INO80: variants seen among roughly 807,000 people sequenced by gnomAD.
INO80 encodes INO80 complex ATPase subunit, also known as chromatin-remodeling ATPase INO80.
INO80 carries 20 observed loss-of-function variants against 203.4 expected under a neutral mutation model. The ratio of observed to expected loss-of-function variants is 0.10; its 90% confidence interval spans 0.07 to 0.14. The LOEUF is 0.14. Ranked by LOEUF, INO80 falls within the 10% of genes least tolerant of loss-of-function variation. The pLI is 1.00. For missense variants in INO80, 1,419 were observed against 1,914.4 expected (o/e 0.74, Z 4.83); for synonymous variants, 726 against 685.2 (o/e 1.06, Z -0.93).
Position 41,071,895 on chromosome 15 carries a change from C to A in INO80, c.1559G>T (p.Gly520Val), listed in dbSNP as rs1342342738. 5.6e-6 allele frequency: 9 copies of A among 1,613,892 alleles called. No homozygotes were observed. Among genetic ancestry groups the A allele is most frequent in the Non-Finnish European group, 7.6e-6 (9 of 1,179,982 alleles). The change falls in exon 12 of 36, where the codon GGT (glycine) becomes GTT (valine). Residue 520 changes from glycine to valine, a missense_variant. By Grantham distance (109) the Gly-to-Val change is moderately radical. Transcript: ENST00000648947. Reference protein sequence around the residue: ...QPTIFNGKLKGYQLKGMNWLA... With the variant: ...QPTIFNGKLKVYQLKGMNWLA... ...CCAATTCATGCCTTTCAGTTGATAACCTTTCAATTTGCCATTAAAAATTGT... is the reference window on the plus strand; with the variant it reads ...CCAATTCATGCCTTTCAGTTGATAAACTTTCAATTTGCCATTAAAAATTGT...
chr15:41,060,910 TAAA>T (rs2045093077), intron 14 of INO80, among the ~76,000 whole-genome samples: 1 of 152,070 alleles, frequency 6.6e-6, no homozygotes, highest in South Asian at 2.1e-4. Context: ...GGCATAGCAT[TAAA>T]AAATAACCAG....
chr15:41,007,380 G>A lies in INO80; in HGVS notation c.3403-1693C>T, dbSNP rs145447100. ...CTATTTTTAGTAGAGATGGGGTTTC[G>A]CCATGTTGGCCAGGCTGGTCTTGAA... On this transcript the variant is annotated intron_variant, in intron 27 of 35. Coordinates refer to ENST00000648947, the MANE Select transcript of INO80 (RefSeq NM_017553.3). Among the ~76,000 whole-genome samples, 1,038 of 151,612 alleles carry A rather than the reference G, an allele frequency of 6.8e-3. 13 individuals carry two copies. Among genetic ancestry groups the A allele is most frequent in the African/African-American group, 0.024 (1,001 of 41,328 alleles).
rs1287275018 is a variant in INO80 at position 40,980,276 on chromosome 15, C to A, written c.4618G>T (p.Asp1540Tyr). 1 of 1,613,642 alleles carries A rather than the reference C, an allele frequency of 6.2e-7. No homozygotes were observed. The highest frequency in any genetic ancestry group is 1.3e-5 in the African/African-American group (1 of 75,038). The change falls in exon 36 of 36, where the codon GAC becomes TAC. Residue 1540 changes from aspartate (D) to tyrosine (Y), a missense_variant. Around this residue, in one of 9 missense-constraint regions of INO80, gnomAD observed 112 missense variants for 106.2 expected, o/e 1.05. Transcript: ENST00000648947. ...NLHMTSSLAP[D>Y]SLVRKQGKGT... ...TTGCCCTGTTTCCGGACCAGAGAGTCTGGGGCTAGGCTGCTGGTCATGTGG... is the reference window on the plus strand; with the variant it reads ...TTGCCCTGTTTCCGGACCAGAGAGTATGGGGCTAGGCTGCTGGTCATGTGG...
intron 24 of INO80, among the ~76,000 whole-genome samples, chr15:41,032,275 A>G (rs922050317): frequency 6.6e-5 from 10 of 152,244 alleles, no homozygotes; most frequent in African/African-American, 2.4e-4. Context: ...CTTAAAGAGC[A>G]TGTCAAATTT....
intron 29 of INO80, among the ~76,000 whole-genome samples, chr15:40,996,259 TCTC>T (rs1172342696): frequency 2.0e-5 from 3 of 152,228 alleles, no homozygotes; most frequent in African/African-American, 7.2e-5. Flanking sequence ...TATTTTTAAA[TCTC>T]AAAGTTACTA....
chr15:41,001,214 C>G (rs2043954611), intron 28 of INO80, among the ~76,000 whole-genome samples: 1 of 152,150 alleles, frequency 6.6e-6, no homozygotes, highest in African/African-American at 2.4e-5. Context: ...GGTGCCCTCT[C>G]TAGGAGGCTG....
At chr15:41,037,509 AAATT>A (rs1414906931) in intron 24 of INO80, among the ~76,000 whole-genome samples, 3 of 152,034 alleles carry the variant, frequency 2.0e-5, no homozygotes, top group East Asian at 3.9e-4. Flanking sequence ...ATCTCCAAAA[AAATT>A]AATTAATTAA....
chr15:40,998,983 TAC>T (rs10650860), intron 28 of INO80, among the ~76,000 whole-genome samples: 5,588 of 140,150 alleles, frequency 0.04, 207 homozygotes, highest in African/African-American at 0.11. Context: ...AAGATTTATC[TAC>T]ACACACACAC....
At chr15:41,002,937 T>C (rs868644240) in intron 28 of INO80, among the ~76,000 whole-genome samples, 17 of 152,190 alleles carry the variant, frequency 1.1e-4, no homozygotes, top group Middle Eastern at 6.8e-3. Context: ...ACCTTGTCTC[T>C]ACTAAAAATA....
At chr15:41,006,208 G>A (rs2044038878) in intron 27 of INO80, among the ~76,000 whole-genome samples, 1 of 152,040 alleles carries the variant, frequency 6.6e-6, no homozygotes, top group South Asian at 2.1e-4. Context: ...AAAAGACAAG[G>A]TAATTTTCTA....
chr15:41,023,258 C>T (rs1387664071), intron 25 of INO80: 3 of 455,554 alleles, frequency 6.6e-6, no homozygotes, highest in East Asian at 6.9e-5. Flanking sequence ...AAAATTGGGT[C>T]TCTCTCCCTT....
intron 13 of INO80, among the ~76,000 whole-genome samples, chr15:41,070,056 A>G (rs541048528): frequency 6.6e-6 from 1 of 152,344 alleles, no homozygotes; most frequent in East Asian, 1.9e-4. Context: ...AAATTCCTAT[A>G]AAGTAGATAA....
chr15:41,055,698 TATG>T (rs1398852764), intron 17 of INO80, among the ~76,000 whole-genome samples: 1 of 152,240 alleles, frequency 6.6e-6, no homozygotes, highest in Non-Finnish European at 1.5e-5. Context: ...CAACCTAAGG[TATG>T]ATAACTTGCT....
chr15:41,010,307 T>A (rs987463675), intron 27 of INO80, among the ~76,000 whole-genome samples: 4 of 152,222 alleles, frequency 2.6e-5, no homozygotes, highest in Non-Finnish European at 2.9e-5. Flanking sequence ...AATATTTTTT[T>A]AATTTCTCTT....
chr15:41,033,866 G>A (rs1021934296), intron 24 of INO80, among the ~76,000 whole-genome samples: 21 of 151,802 alleles, frequency 1.4e-4, no homozygotes, highest in Non-Finnish European at 2.8e-4. Context: ...CCTGGCTAAC[G>A]CTAGAGTAGA....
intron 25 of INO80, among the ~76,000 whole-genome samples, chr15:41,021,604 A>T (rs2044295721): frequency 6.6e-6 from 1 of 152,256 alleles, no homozygotes; most frequent in African/African-American, 2.4e-5. Context: ...CAAAGCTCCC[A>T]AATTTATCAA....
rs2046033699 is a variant in INO80 at position 41,116,160 on chromosome 15, T to TGGCGGCGGCGCTGAGGC, written c.-248_-232dup. ...CTCCGCGGCTCCTGGGACCCCAAGATGGCGGCGGCGCTGAGGCGGCTGCGG... is the reference window on the plus strand; with the variant it reads ...CTCCGCGGCTCCTGGGACCCCAAGATGGCGGCGGCGCTGAGGCGGCGGCGGCGCTGAGGCGGCTGCGG... On this transcript the variant is annotated 5_prime_UTR_variant, in exon 1 of 36. The change abolishes the stop of an existing upstream ORF in the 5' untranslated region. Transcript: ENST00000648947. 2.5e-6 allele frequency: 1 copy of TGGCGGCGGCGCTGAGGC among 406,620 alleles called. No individual in the cohort carries two copies. Among genetic ancestry groups the TGGCGGCGGCGCTGAGGC allele is most frequent in the Non-Finnish European group, 4.3e-6 (1 of 233,216 alleles). 25.2% of individuals were successfully genotyped at this position (406,620 alleles called of 1,614,324 possible).
chr15:40,989,803 A>C (rs909176853), intron 29 of INO80, among the ~76,000 whole-genome samples: 1 of 152,138 alleles, frequency 6.6e-6, no homozygotes, highest in African/African-American at 2.4e-5. Context: ...CTTTCCTAAC[A>C]CAAATATGCC....
At chr15:41,088,763 A>C (rs1451796928) in intron 5 of INO80, among the ~76,000 whole-genome samples, 7 of 152,248 alleles carry the variant, frequency 4.6e-5, no homozygotes, top group Non-Finnish European at 5.9e-5. Flanking sequence ...CTGAAAGATT[A>C]ACATGGGGAA....
Sources: allele counts gnomAD v4.1 joint callset (sites outside exome capture counted in the v4.1 genomes callset), GRCh38; gene constraint gnomAD v4.1.1; regional missense constraint gnomAD v4.1.1; transcripts MANE v1.5; gene names NCBI Gene and HGNC (gene_info 2026-07-23, HGNC 2026-07-21).